RBFOX1: variants seen among roughly 807,000 people sequenced by gnomAD.
The protein encoded by RBFOX1 is RNA binding fox-1 homolog 1.
In RBFOX1, 8 loss-of-function variants were observed where a neutral mutation model predicts 57.7. The observed-to-expected ratio is 0.14, with a 90% CI of 0.08 to 0.25. The LOEUF is 0.25. RBFOX1 is among the 10% of genes least tolerant of loss of function. RBFOX1 has a pLI of 1.00. For missense variants in RBFOX1, 611 were observed against 548.5 expected (o/e 1.11, Z -1.14); for synonymous variants, 326 against 222.4 (o/e 1.47, Z -4.15).
intron 4 of RBFOX1, among the ~76,000 whole-genome samples, chr16:7,302,633 CAA>C (rs562030708): frequency 1.5e-4 from 17 of 113,940 alleles, no homozygotes; most frequent in Non-Finnish European, 1.1e-4. Context: ...GGTCTGAAAA[CAA>C]AAAAAAAAAA....
chr16:5,723,122 C>T (rs2151539122), intron 3 of RBFOX1, among the ~76,000 whole-genome samples: 1 of 152,312 alleles, frequency 6.6e-6, no homozygotes, highest in East Asian at 1.9e-4. Flanking sequence ...ACCTCAGAGT[C>T]ATCCATGCTG....
intron 2 of RBFOX1, among the ~76,000 whole-genome samples, chr16:6,411,606 ATAGAT>A (rs1283366356): frequency 6.6e-6 from 1 of 152,230 alleles, no homozygotes; most frequent in African/African-American, 2.4e-5. Context: ...AAATTTGAAA[ATAGAT>A]AAATAATGGA....
At chr16:5,888,500 A>G (rs1364141977) in intron 4 of RBFOX1, among the ~76,000 whole-genome samples, 1 of 152,198 alleles carries the variant, frequency 6.6e-6, no homozygotes, top group African/African-American at 2.4e-5. Context: ...ACACTTAAAA[A>G]AAATAGTTGT....
chr16:6,758,027 C>T (rs898805516), intron 3 of RBFOX1, among the ~76,000 whole-genome samples: 1 of 152,120 alleles, frequency 6.6e-6, no homozygotes, highest in South Asian at 2.1e-4. Context: ...AACTGTCACA[C>T]TTTTAAGAAG....
intron 3 of RBFOX1, among the ~76,000 whole-genome samples, chr16:5,802,408 G>A (rs75047234): frequency 6.6e-6 from 1 of 152,066 alleles, no homozygotes; most frequent in African/African-American, 2.4e-5. Context: ...TGCAAACAAG[G>A]GTGGGATAGC....
intron 4 of RBFOX1, among the ~76,000 whole-genome samples, chr16:7,149,345 A>G (rs764029127): frequency 3.3e-5 from 5 of 152,042 alleles, no homozygotes; most frequent in African/African-American, 4.8e-5. Flanking sequence ...TCTTGGTTTT[A>G]TCTCTCAATA....
chr16:6,981,875 G>C (rs558252044), intron 3 of RBFOX1, among the ~76,000 whole-genome samples: 2 of 152,156 alleles, frequency 1.3e-5, no homozygotes, highest in African/African-American at 2.4e-5. Context: ...CATTTAAGTT[G>C]ATTCCACATC....
At chr16:7,020,701 G>T (rs1321062805) in intron 3 of RBFOX1, among the ~76,000 whole-genome samples, 1 of 152,014 alleles carries the variant, frequency 6.6e-6, no homozygotes, top group Non-Finnish European at 1.5e-5. Flanking sequence ...CACTGCAGAG[G>T]GAAGAGGAAG....
chr16:7,139,697 G>T (rs1188271074), intron 4 of RBFOX1, among the ~76,000 whole-genome samples: 2 of 152,132 alleles, frequency 1.3e-5, no homozygotes, highest in African/African-American at 2.4e-5. Flanking sequence ...AAGAATGTTG[G>T]GTTGGTGAAT....
At chr16:6,050,196 G>C (rs1052015041) in intron 1 of RBFOX1, among the ~76,000 whole-genome samples, 3 of 152,160 alleles carry the variant, frequency 2.0e-5, no homozygotes, top group African/African-American at 7.2e-5. Context: ...CTGACCTCAA[G>C]TGATCTGCCC....
At position 6,483,805 on chromosome 16, in the gene RBFOX1, C is replaced by G. The variant is rs986038809; in HGVS notation, c.-64+166748C>G. The G allele has an allele frequency of 8.8e-6, 12 of 1,368,210 alleles. No homozygotes were observed. The African/African-American group carries it at 1.3e-4, about 15-fold the overall frequency. The allele number at this position is 1,368,210 out of a possible 1,614,324, so 84.8% of individuals were successfully genotyped here. A position where few individuals can be genotyped will look rare whatever the true frequency, so the allele number is the denominator to read the frequency against. On this transcript the variant is annotated intron_variant, in intron 2 of 15. Coordinates refer to ENST00000550418, the MANE Select transcript of RBFOX1 (RefSeq NM_018723.4). The stretch of plus-strand genomic sequence containing the variant: ...CGCAGACACGGTGGCGGCGTGTGCG[C>G]CTCCGGGGCTGCTGATTAGAATAGG...
At chr16:5,916,220 A>T (rs1255121532) in intron 4 of RBFOX1, among the ~76,000 whole-genome samples, 2 of 152,110 alleles carry the variant, frequency 1.3e-5, no homozygotes, top group African/African-American at 2.4e-5. Flanking sequence ...TGAAAGGATG[A>T]TTTCTTCCCA....
chr16:7,272,482 C>T (rs1330606786), intron 4 of RBFOX1, among the ~76,000 whole-genome samples: 8 of 152,230 alleles, frequency 5.3e-5, no homozygotes, highest in African/African-American at 9.6e-5. Flanking sequence ...CCATGCCTGG[C>T]ACCCGTTTCC....
chr16:6,206,021 AG>A (rs1471079322), intron 1 of RBFOX1, among the ~76,000 whole-genome samples: 1 of 152,010 alleles, frequency 6.6e-6, no homozygotes, highest in East Asian at 1.9e-4. Context: ...ACATAGAGAT[AG>A]CCAGCCACTA....
chr16:7,095,748 C>A (rs768550049), intron 4 of RBFOX1, among the ~76,000 whole-genome samples: 3 of 152,094 alleles, frequency 2.0e-5, no homozygotes, highest in Non-Finnish European at 2.9e-5. Context: ...TGGAGCTGGG[C>A]ATGGTGGCTC....
intron 2 of RBFOX1, among the ~76,000 whole-genome samples, chr16:6,392,992 G>T (rs373006455): frequency 3.1e-4 from 47 of 152,182 alleles, no homozygotes; most frequent in African/African-American, 1.1e-3. Context: ...CACTAAATCA[G>T]ACAAGGAACT....
intron 3 of RBFOX1, among the ~76,000 whole-genome samples, chr16:6,955,286 G>C (rs577554337): frequency 1.4e-4 from 22 of 151,808 alleles, no homozygotes; most frequent in Non-Finnish European, 3.2e-4. Context: ...ACTCCCTAGC[G>C]TACGATTAAG....
At chr16:6,834,169 G>T (rs1449715404) in intron 3 of RBFOX1, among the ~76,000 whole-genome samples, 1 of 152,030 alleles carries the variant, frequency 6.6e-6, no homozygotes, top group East Asian at 1.9e-4. Context: ...CGCCTCCCCA[G>T]TTCAAGTGAT....
chr16:6,078,314 G>A (rs1025852997), intron 1 of RBFOX1, among the ~76,000 whole-genome samples: 6 of 152,144 alleles, frequency 3.9e-5, no homozygotes, highest in African/African-American at 1.4e-4. Flanking sequence ...TCCAGCCCAT[G>A]TCCCCCACAG....
Sources: allele counts gnomAD v4.1 joint callset (sites outside exome capture counted in the v4.1 genomes callset), GRCh38; gene constraint gnomAD v4.1.1; transcripts MANE v1.5; gene names NCBI Gene and HGNC (gene_info 2026-07-23, HGNC 2026-07-21).